CELF1: variants seen among roughly 807,000 people sequenced by gnomAD.
The protein encoded by CELF1 is 50 kDa nuclear polyadenylated RNA-binding protein.
A neutral mutation model predicts 61.8 loss-of-function variants in CELF1; 10 were observed. That is an observed-to-expected ratio of 0.16 (90% CI 0.10 to 0.27). CELF1 has a LOEUF of 0.27. Among genes scored for constraint, CELF1 ranks in the 10% least tolerant of loss-of-function variants. The probability of loss-of-function intolerance (pLI) is 1.00; values close to 1 mark genes in which losing one functional copy is unlikely to be tolerated. For synonymous variants in CELF1, 236 were observed against 225.1 expected, an observed-to-expected ratio of 1.05 and a Z score of -0.43; for missense variants, 380 against 639.1, an observed-to-expected ratio of 0.59 and a Z score of 4.37.
At chr11:47,539,190 C>T (rs1011820301) in intron 1 of CELF1, among the ~76,000 whole-genome samples, 5 of 151,946 alleles carry the variant, frequency 3.3e-5, no homozygotes. Flanking sequence ...GGCTCATATT[C>T]CTAAAAAAAT....
In CELF1 at chr11:47,466,391, A is replaced by G. The variant is rs2076689410; in HGVS notation, c.*5839T>C. 6.6e-6 allele frequency: 1 copy of G among 152,242 alleles called. No individual in the cohort carries two copies. The highest frequency in any genetic ancestry group is 1.5e-5 in the Non-Finnish European group (1 of 68,048). The allele number at this position is 152,242 out of a possible 1,614,324, so 9.4% of individuals were successfully genotyped here. On this transcript the variant is annotated 3_prime_UTR_variant, in exon 15 of 15. Coordinates refer to ENST00000687097, the MANE Select transcript of CELF1 (RefSeq NM_001376376.1). ...TTGAATCCCGTTGTTGCTGCAGAACAGACTGTGCGTTTGGTCATAGTGGCA... is the reference window on the plus strand; with the variant it reads ...TTGAATCCCGTTGTTGCTGCAGAACGGACTGTGCGTTTGGTCATAGTGGCA...
At chr11:47,529,612 T>C (rs948966822) in intron 1 of CELF1, among the ~76,000 whole-genome samples, 1 of 151,696 alleles carries the variant, frequency 6.6e-6, no homozygotes, top group African/African-American at 2.4e-5. Flanking sequence ...TGAGCCGAGA[T>C]CCTGTCACTG....
intron 1 of CELF1, among the ~76,000 whole-genome samples, chr11:47,507,236 C>T (rs1168320209): frequency 6.6e-6 from 1 of 152,202 alleles, no homozygotes; most frequent in African/African-American, 2.4e-5. Context: ...CCAAAACAAT[C>T]ATTTTTAACA....
intron 6 of CELF1, among the ~76,000 whole-genome samples, chr11:47,486,537 G>T (rs979189073): frequency 2.6e-5 from 4 of 152,002 alleles, no homozygotes; most frequent in African/African-American, 9.7e-5. Flanking sequence ...AGCCTCCTGA[G>T]TAGCTGGGAT....
chr11:47,482,889 C>G (rs760043929), intron 8 of CELF1, 33 bp from the exon 9 acceptor site: 6 of 1,586,652 alleles, frequency 3.8e-6, no homozygotes, highest in Admixed American at 3.7e-5. Context: ...GGGTCAAATT[C>G]CTCCATCTGA....
At chr11:47,563,293 A>G (rs1047604635) in intron 2 of CELF1, among the ~76,000 whole-genome samples, 4 of 152,230 alleles carry the variant, frequency 2.6e-5, no homozygotes, top group African/African-American at 9.6e-5. Context: ...ACAGTCAGAA[A>G]GCAGGTTAGT....
chr11:47,528,794 G>A (rs1002814748), intron 1 of CELF1, among the ~76,000 whole-genome samples: 1 of 151,922 alleles, frequency 6.6e-6, no homozygotes, highest in African/African-American at 2.4e-5. Flanking sequence ...GGAGGCTGAG[G>A]CAGGAGGATC....
intron 1 of CELF1, among the ~76,000 whole-genome samples, chr11:47,546,454 CG>C (rs899183117): frequency 6.6e-6 from 1 of 151,946 alleles, no homozygotes; most frequent in African/African-American, 2.4e-5. Flanking sequence ...TTGGCAGAGA[CG>C]GGGTTTCTCA....
intron 1 of CELF1, among the ~76,000 whole-genome samples, chr11:47,540,005 G>A (rs1179134916): frequency 6.6e-6 from 1 of 152,148 alleles, no homozygotes; most frequent in Non-Finnish European, 1.5e-5. Flanking sequence ...CTAGGACAAA[G>A]TGATTTGCCC....
In CELF1 at chr11:47,481,041, T is replaced by A. The variant is rs540618257; in HGVS notation, c.768+1654A>T. ...ACAACCCCAACTCTTTATATTTTTT[T>A]AAAAAAACTTCAGAGAAATACTAGC... On this transcript the variant is annotated intron_variant, in intron 9 of 14. Coordinates refer to ENST00000687097, the MANE Select transcript of CELF1 (RefSeq NM_001376376.1). Among the ~76,000 whole-genome samples, 287 of 145,122 alleles carry A rather than the reference T, an allele frequency of 2.0e-3. 1 individual carries two copies. Among genetic ancestry groups the A allele is most frequent in the African/African-American group, 6.7e-3 (267 of 39,940 alleles).
intron 1 of CELF1, among the ~76,000 whole-genome samples, chr11:47,551,447 G>A (rs900323041): frequency 2.0e-5 from 3 of 152,314 alleles, no homozygotes; most frequent in Admixed American, 6.5e-5. Context: ...AGTAAAGCCT[G>A]AAGAATATAA....
intron 1 of CELF1, among the ~76,000 whole-genome samples, chr11:47,519,845 G>A (rs1291387773): frequency 5.3e-5 from 8 of 150,958 alleles, no homozygotes; most frequent in Admixed American, 2.6e-4. Flanking sequence ...CCTGGGCGAC[G>A]GAGCCAGACT....
rs911019223 is a variant in CELF1, at chr11:47,471,855, G to A, written c.*375C>T. 7.0e-5 allele frequency: 12 copies of A among 172,594 alleles called. No homozygotes were observed. In the East Asian group the frequency reaches 1.3e-3, roughly 18 times the overall value. The allele number at this position is 172,594 out of a possible 1,614,324, so 10.7% of individuals were successfully genotyped here. A position where few individuals can be genotyped will look rare whatever the true frequency, so the allele number is the denominator to read the frequency against. On this transcript the variant is annotated 3_prime_UTR_variant, in exon 15 of 15. Transcript: ENST00000687097. ...TGGTTTGGGGCAAATCCTGATCATC[G>A]TCTGTGTTAAATGTTTCCCTGTCCC...
rs2096313209 is a variant in CELF1, at chr11:47,528,021, G to GA, written c.-154+24970dup. On this transcript the variant is annotated intron_variant, in intron 1 of 14. Coordinates refer to ENST00000687097, the MANE Select transcript of CELF1 (RefSeq NM_001376376.1). The stretch of plus-strand genomic sequence containing the variant: ...TGAGACAGGAGAATGGGTTGAACCC[G>GA]AGAGGCGGAGGTTGCAGTGAGCCAG... Among the ~76,000 whole-genome samples, 2 of 152,080 alleles carry GA rather than the reference G, an allele frequency of 1.3e-5. 1 individual carries two copies. The highest frequency in any genetic ancestry group is 4.2e-4 in the South Asian group (2 of 4,812).
chr11:47,510,434 G>C (rs974046291), intron 1 of CELF1, among the ~76,000 whole-genome samples: 6 of 152,202 alleles, frequency 3.9e-5, no homozygotes, highest in Non-Finnish European at 8.8e-5. Context: ...GTGGCACGAT[G>C]ATGTTCAATA....
intron 2 of CELF1, among the ~76,000 whole-genome samples, chr11:47,500,324 C>CA (rs1364490298): frequency 6.6e-6 from 1 of 152,002 alleles, no homozygotes; most frequent in Non-Finnish European, 1.5e-5. Context: ...TGAAAGACTT[C>CA]AAAAATCCTT....
At chr11:47,554,647 A>G (rs914204075), upstream of CELF1, among the ~76,000 whole-genome samples, 1 of 149,490 alleles carries the variant, frequency 6.7e-6, no homozygotes, top group African/African-American at 2.4e-5. Flanking sequence ...CAAAACATTT[A>G]TCATTATCTA....
At chr11:47,477,114 C>T (rs2080575905) in intron 11 of CELF1, 155 bp from the exon 12 acceptor site, 2 of 866,922 alleles carry the variant, frequency 2.3e-6, no homozygotes, top group East Asian at 2.6e-5. Flanking sequence ...ATAATGGCCA[C>T]AGCACATTGA....
At chr11:47,477,733 A>T (rs2080899067) in intron 10 of CELF1, 1 of 273,272 alleles carries the variant, frequency 3.7e-6, no homozygotes, top group African/African-American at 2.2e-5. Context: ...AGCACAGGAG[A>T]ACAATGCCAA....
Sources: gnomAD v4.1 joint callset for allele counts (sites outside exome capture counted in the v4.1 genomes callset) on GRCh38, gnomAD v4.1.1 for gene constraint, MANE v1.5 for transcripts, NCBI Gene and HGNC (gene_info 2026-07-23, HGNC 2026-07-21) for gene names.